The following DHFR2 variants were observed in gnomAD, a reference collection of about 807,000 sequenced individuals.
The protein encoded by DHFR2 is dihydrofolate reductase 2.
DHFR2 carries 11 observed loss-of-function variants against 12.0 expected under a neutral mutation model. The ratio of observed to expected loss-of-function variants is 0.92; its 90% CI spans 0.58 to 1.52. The LOEUF (loss-of-function observed/expected upper bound fraction) is 1.52. DHFR2 is among the 40% of genes most tolerant of loss of function. The pLI is 0.00. For synonymous variants in DHFR2, 87 were observed against 79.6 expected (o/e 1.09, Z -0.49); for missense variants, 188 against 221.2 (o/e 0.85, Z 0.95).
chr3:94,061,181 C>G lies in DHFR2; in HGVS notation c.331G>C (p.Asp111His). The change falls in exon 2 of 2, where the codon GAC (aspartate) becomes CAC (histidine). Residue 111 changes from aspartate to histidine, a missense_variant. By Grantham distance (81) the Asp-to-His change is moderately conservative (BLOSUM62 -1). Transcript: ENST00000314636. The stretch of plus-strand genomic sequence containing the variant: ...CTGCCACCAACTATCCAAATCATGT[C>G]TACTTTATTTGCTAATTCTGGTCGT... ...TERPELANKVDMIWIVGGSSV... is the reference protein window; with the variant it reads ...TERPELANKVHMIWIVGGSSV... 6.2e-7 allele frequency: 1 copy of G among 1,614,002 alleles called. No homozygotes were observed. The highest frequency in any genetic ancestry group is 2.2e-5 in the East Asian group (1 of 44,892).
chr3:94,061,098 C>T lies in DHFR2; in HGVS notation c.414G>A (p.Arg138=), dbSNP rs557859422. The T allele has an allele frequency of 6.2e-7, 1 of 1,613,922 alleles. No homozygotes were observed. ...TGTCACTTTCAAAGTCCTGCATGATCCTTGTCACAAATAGTTTAAGATGGC... is the reference window on the plus strand; with the variant it reads ...TGTCACTTTCAAAGTCCTGCATGATTCTTGTCACAAATAGTTTAAGATGGC... ...HLGHLKLFVT[R]IMQDFESDTF... is the part of the protein sequence containing the mutation. Residue 138 remains arginine, a synonymous_variant, in exon 2 of 2, where the codon AGG becomes AGA. Transcript: ENST00000314636.
Position 94,059,861 on chromosome 3 carries a change from G to A in DHFR2, c.*1087C>T, listed in dbSNP as rs529059510. On this transcript the variant is annotated 3_prime_UTR_variant, in exon 2 of 2. Transcript: ENST00000314636. Reference sequence around the variant, plus strand: ...GAGGATCACCTGAGGTCAGGAGTTCGAGACTAGCCTGACCAACATGGAATG... The same window carrying A: ...GAGGATCACCTGAGGTCAGGAGTTCAAGACTAGCCTGACCAACATGGAATG... 1.8e-4 allele frequency: 28 copies of A among 152,204 alleles called. No homozygotes were observed. Among genetic ancestry groups the A allele is most frequent in the African/African-American group, 6.3e-4 (26 of 41,510 alleles). 9.4% of individuals were successfully genotyped at this position (152,204 alleles called of 1,614,324 possible). A position where few individuals can be genotyped will look rare whatever the true frequency, so the allele number is the denominator to read the frequency against.
upstream of DHFR2, chr3:94,063,094 T>A: frequency 6.2e-7 from 1 of 1,613,998 alleles, no homozygotes; most frequent in Non-Finnish European, 8.5e-7. Flanking sequence ...CTGATTCGCG[T>A]ACACCTGTTG....
At position 94,061,583 on chromosome 3, in the gene DHFR2, C is replaced by A; in HGVS notation, c.-72G>T. The A allele has an allele frequency of 4.4e-6, 7 of 1,593,032 alleles. No individual in the cohort carries two copies. The South Asian group carries it at 7.9e-5, about 18-fold the overall frequency. On this transcript the variant is annotated 5_prime_UTR_variant, in exon 2 of 2. Transcript: ENST00000314636. The stretch of plus-strand genomic sequence containing the variant: ...CCAGGCCAAGAATGCCGCGAAATTC[C>A]CTTCTTCAAATTTTTTTACGTGCCT...
At chr3:94,061,757 G>A (rs1403927591) in intron 1 of DHFR2, among the ~76,000 whole-genome samples, 151 bp from the exon 2 acceptor site, 2 of 150,296 alleles carry the variant, frequency 1.3e-5, no homozygotes, top group African/African-American at 4.9e-5. Context: ...AAATACAGAG[G>A]CTGAAAGGTT....
chr3:94,062,020 T>C (rs1428964000), intron 1 of DHFR2, among the ~76,000 whole-genome samples: 3 of 152,158 alleles, frequency 2.0e-5, no homozygotes, highest in Non-Finnish European at 2.9e-5. Context: ...AAGGAACAAC[T>C]CAAAATGATG....
intron 1 of DHFR2, 26 bp from the exon 2 acceptor site, chr3:94,061,632 TATTA>T (rs2077175914): frequency 2.1e-6 from 3 of 1,446,634 alleles, no homozygotes; most frequent in Non-Finnish European, 2.7e-6. Flanking sequence ...AATACCACTG[TATTA>T]ATTAATTGCA....
chr3:94,061,694 T>C (rs2077176255), intron 1 of DHFR2, 88 bp from the exon 2 acceptor site: 1 of 742,122 alleles, frequency 1.3e-6, no homozygotes. Context: ...AATATATTTA[T>C]AAAGTATAAA....
rs2077183098 is a variant in DHFR2 at position 94,062,778 on chromosome 3, C to A, written c.-128G>T. ...TCCGCAGAAGCAGGGGCCGCACAGG[C>A]GCGCAGATGTGTGACTTTCTAAGGT... On this transcript the variant is annotated 5_prime_UTR_variant, in exon 1 of 2. Transcript: ENST00000314636. 3.4e-6 allele frequency: 1 copy of A among 297,952 alleles called. No individual in the cohort carries two copies. Among genetic ancestry groups the A allele is most frequent in the Admixed American group, 4.5e-5 (1 of 22,154 alleles). The allele number at this position is 297,952 out of a possible 1,614,324, so 18.5% of individuals were successfully genotyped here. A position where few individuals can be genotyped will look rare whatever the true frequency, so the allele number is the denominator to read the frequency against.
intron 1 of DHFR2, among the ~76,000 whole-genome samples, chr3:94,062,141 G>T (rs1338278968): frequency 1.3e-5 from 2 of 152,124 alleles, no homozygotes; most frequent in Admixed American, 6.5e-5. Flanking sequence ...ACTTCTATTC[G>T]TGTCAAAATA....
Position 94,058,092 on chromosome 3 carries a change from G to A in DHFR2, c.*2856C>T, listed in dbSNP as rs959937642. The A allele has an allele frequency of 1.3e-5, 2 of 151,938 alleles. No individual in the cohort carries two copies. The highest frequency in any genetic ancestry group is 4.8e-5 in the African/African-American group (2 of 41,378). 9.4% of individuals were successfully genotyped at this position (151,938 alleles called of 1,614,324 possible). ...AAAATTCTTTTTTTAATGAATGAGT[G>A]TAACTTTTTATTAAGATAGAATTAT... On this transcript the variant is annotated 3_prime_UTR_variant, in exon 2 of 2. Coordinates refer to ENST00000314636, the MANE Select transcript of DHFR2 (RefSeq NM_176815.5).
Position 94,058,612 on chromosome 3 carries a change from A to G in DHFR2, c.*2336T>C, listed in dbSNP as rs2077155898. On this transcript the variant is annotated 3_prime_UTR_variant, in exon 2 of 2. Transcript: ENST00000314636. ...AGTCAGTCACCACATCATTATGACT[A>G]TGTACATATTGCCCATTGTTGAGAA... 6.5e-6 allele frequency: 1 copy of G among 152,764 alleles called. No individual in the cohort carries two copies. Among genetic ancestry groups the G allele is most frequent in the Non-Finnish European group, 1.5e-5 (1 of 68,534 alleles). The allele number at this position is 152,764 out of a possible 1,614,324, so 9.5% of individuals were successfully genotyped here.
At position 94,058,155 on chromosome 3, in the gene DHFR2, T is replaced by A. The variant is rs1229391368; in HGVS notation, c.*2793A>T. The A allele has an allele frequency of 6.6e-6, 1 of 152,104 alleles. No individual in the cohort carries two copies. The highest frequency in any genetic ancestry group is 1.5e-5 in the Non-Finnish European group (1 of 68,000). The allele number at this position is 152,104 out of a possible 1,614,324, so 9.4% of individuals were successfully genotyped here. ...AATATATGAAAATGGTTAAGTAAAATCAAATGGCTCCAAAAGTCTTACAAT... is the reference window on the plus strand; with the variant it reads ...AATATATGAAAATGGTTAAGTAAAAACAAATGGCTCCAAAAGTCTTACAAT... On this transcript the variant is annotated 3_prime_UTR_variant, in exon 2 of 2. Transcript: ENST00000314636.
At position 94,062,447 on chromosome 3, in the gene DHFR2, T is replaced by C. The variant is rs2077180895; in HGVS notation, c.-96+299A>G. Among the ~76,000 whole-genome samples, 4 of 152,184 alleles carry C rather than the reference T, an allele frequency of 2.6e-5. No individual in the cohort carries two copies. The South Asian group carries it at 8.3e-4, about 32-fold the overall frequency. ...AAAGCATGACTTAATTTCTTTTTCA[T>C]TATATTCCACCCTTTTATCCTTGGG... On this transcript the variant is annotated intron_variant, in intron 1 of 1. Coordinates refer to ENST00000314636, the MANE Select transcript of DHFR2 (RefSeq NM_176815.5).
At position 94,061,046 on chromosome 3, in the gene DHFR2, T is replaced by C. The variant is rs1238425201; in HGVS notation, c.466A>G (p.Lys156Glu). 6.2e-7 allele frequency: 1 copy of C among 1,613,898 alleles called. No individual in the cohort carries two copies. The highest frequency in any genetic ancestry group is 2.2e-5 in the East Asian group (1 of 44,860). Residue 156 changes from lysine to glutamate, a missense_variant, in exon 2 of 2, where the codon AAA becomes GAA. Physicochemically the swap from Lys to Glu is moderately conservative, Grantham distance 56. Coordinates refer to ENST00000314636, the MANE Select transcript of DHFR2 (RefSeq NM_176815.5). ...DTFFSEIDLE[K>E]YKLLPEYPGV... Reference sequence around the variant, plus strand: ...GGGTATTCAGGCAGAAGTTTATATTTCTCCAAGTCAATTTCTGAAAAAAAC... The same window carrying C: ...GGGTATTCAGGCAGAAGTTTATATTCCTCCAAGTCAATTTCTGAAAAAAAC...
intron 1 of DHFR2, among the ~76,000 whole-genome samples, chr3:94,062,530 G>A (rs773229027): frequency 1.4e-4 from 21 of 152,146 alleles, no homozygotes; most frequent in Non-Finnish European, 2.8e-4. Flanking sequence ...TCAGTAACTA[G>A]CTTCGCTTTG....
chr3:94,063,120 C>A, upstream of DHFR2: 5 of 1,613,944 alleles, frequency 3.1e-6, no homozygotes, highest in Non-Finnish European at 4.2e-6. Flanking sequence ...AAGCTCTCAG[C>A]GGGACAATGC....
chr3:94,059,839 G>A lies in DHFR2; in HGVS notation c.*1109C>T, dbSNP rs550081894. 6.6e-6 allele frequency: 1 copy of A among 152,330 alleles called. No individual in the cohort carries two copies. Among genetic ancestry groups the A allele is most frequent in the East Asian group, 1.9e-4 (1 of 5,180 alleles). 9.4% of individuals were successfully genotyped at this position (152,330 alleles called of 1,614,324 possible). The stretch of plus-strand genomic sequence containing the variant: ...GCACCCCTGAAGGCCGAGGCAGGAG[G>A]ATCACCTGAGGTCAGGAGTTCGAGA... On this transcript the variant is annotated 3_prime_UTR_variant, in exon 2 of 2. Coordinates refer to ENST00000314636, the MANE Select transcript of DHFR2 (RefSeq NM_176815.5).
In DHFR2 at chr3:94,061,327, G is replaced by A; in HGVS notation, c.185C>T (p.Pro62Leu). ...ATCCTTTAAAGGTCGATTCTTCTCA[G>A]GAATGGAGAACCAGGTCTTCCTACC... ...IMGRKTWFSIPEKNRPLKDRI... is the reference protein window; with the variant it reads ...IMGRKTWFSILEKNRPLKDRI... The change falls in exon 2 of 2, where the codon CCT becomes CTT. Residue 62 changes from proline (P) to leucine (L), a missense_variant. Transcript: ENST00000314636. The A allele has an allele frequency of 1.2e-6, 2 of 1,614,044 alleles. No homozygotes were observed. The highest frequency in any genetic ancestry group is 8.5e-7 in the Non-Finnish European group (1 of 1,179,954).
Sources: allele counts gnomAD v4.1 joint callset (sites outside exome capture counted in the v4.1 genomes callset), GRCh38; gene constraint gnomAD v4.1.1; transcripts MANE v1.5; gene names NCBI Gene and HGNC (gene_info 2026-07-23, HGNC 2026-07-21).